ABRAXAS2: variants seen among roughly 807,000 people sequenced by gnomAD.
ABRAXAS2 encodes the protein BRISC complex subunit Abraxas 2.
A neutral mutation model predicts 49.0 loss-of-function variants in ABRAXAS2; 23 were observed. That is an observed-to-expected ratio of 0.47 (90% CI 0.34 to 0.66). ABRAXAS2 has a LOEUF of 0.66. Among genes scored for constraint, ABRAXAS2 ranks in the 30% least tolerant of loss-of-function variants. The pLI, the probability that ABRAXAS2 is intolerant of heterozygous loss-of-function variation, is 0.01. For synonymous variants in ABRAXAS2, 168 were observed against 180.2 expected (o/e 0.93, Z 0.54); for missense variants, 443 against 511.9 (o/e 0.87, Z 1.30).
chr10:124,813,365 A>G (rs1170554004), intron 2 of ABRAXAS2, among the ~76,000 whole-genome samples: 1 of 152,226 alleles, frequency 6.6e-6, no homozygotes, highest in Non-Finnish European at 1.5e-5. Context: ...TCCTTAGTTA[A>G]TGAGGTGATG....
At chr10:124,822,818 A>G (rs531263894) in intron 4 of ABRAXAS2, among the ~76,000 whole-genome samples, 1 of 151,014 alleles carries the variant, frequency 6.6e-6, no homozygotes, top group East Asian at 1.9e-4. Flanking sequence ...AGACTCTATT[A>G]TGTAGTCTTT....
At chr10:124,831,503 A>G (rs1000613064) in intron 8 of ABRAXAS2, 40 bp downstream of exon 8, 3 of 1,140,840 alleles carry the variant, frequency 2.6e-6, no homozygotes, top group Non-Finnish European at 3.9e-6. Context: ...TATCAGGGAA[A>G]TGTTGTTTTA....
chr10:124,818,350 C>T lies in ABRAXAS2; in HGVS notation c.201-1034C>T, dbSNP rs565126807. 2.0e-4 allele frequency among the ~76,000 whole-genome samples: 30 copies of T among 150,004 alleles called. 1 individual carries two copies. Among genetic ancestry groups the T allele is most frequent in the African/African-American group, 6.6e-4 (27 of 40,810 alleles). On this transcript the variant is annotated intron_variant, in intron 3 of 8. Transcript: ENST00000298492. ...GGTGGAGCTTGGAGAGAGCCGAGAT[C>T]GCGCCACTGCACTCCAGCCTGGGTG...
chr10:124,813,222 C>T (rs769001848), intron 2 of ABRAXAS2, among the ~76,000 whole-genome samples: 3 of 152,072 alleles, frequency 2.0e-5, no homozygotes, highest in South Asian at 2.1e-4. Context: ...AAAAGAATAT[C>T]ACATTTTGAA....
intron 8 of ABRAXAS2, among the ~76,000 whole-genome samples, chr10:124,831,792 T>C (rs1950934240): frequency 2.6e-5 from 4 of 151,806 alleles, no homozygotes; most frequent in Admixed American, 1.3e-4. Context: ...TGGTGGTTGT[T>C]ACTAAGTTAA....
intron 5 of ABRAXAS2, 66 bp from the exon 6 acceptor site, chr10:124,828,688 ACT>A: frequency 7.0e-7 from 1 of 1,431,566 alleles, no homozygotes; most frequent in Admixed American, 2.1e-5. Flanking sequence ...TTTTTTTTAG[ACT>A]GTCAGTCTCA....
At chr10:124,816,429 C>T in intron 2 of ABRAXAS2, 147 bp from the exon 3 acceptor site, 5 of 604,524 alleles carry the variant, frequency 8.3e-6, no homozygotes. Context: ...AGTATTCAGA[C>T]TGGTGTACAT....
At chr10:124,824,700 A>G (rs1950886437) in intron 4 of ABRAXAS2, among the ~76,000 whole-genome samples, 1 of 152,200 alleles carries the variant, frequency 6.6e-6, no homozygotes, top group Admixed American at 6.5e-5. Flanking sequence ...AGCACTGTTC[A>G]GGTCTTTGCA....
At chr10:124,808,567 T>C (rs1446471548) in intron 2 of ABRAXAS2, among the ~76,000 whole-genome samples, 1 of 152,110 alleles carries the variant, frequency 6.6e-6, no homozygotes, top group Non-Finnish European at 1.5e-5. Context: ...CTCCTAGAGC[T>C]GCGGGGAGGA....
rs1256186550 is a variant in ABRAXAS2, at chr10:124,835,770, A to G, written c.*799A>G. On this transcript the variant is annotated 3_prime_UTR_variant, in exon 9 of 9. Transcript: ENST00000298492. Reference sequence around the variant, plus strand: ...ACAGCAGTGGAGAACAGAAGGAGTGAGTTTTATAATGAACAGATTCCAGAC... The same window carrying G: ...ACAGCAGTGGAGAACAGAAGGAGTGGGTTTTATAATGAACAGATTCCAGAC... The G allele has an allele frequency of 3.3e-5, 5 of 152,350 alleles. No homozygotes were observed. The highest frequency in any genetic ancestry group is 1.3e-4 in the Admixed American group (2 of 15,304). The allele number at this position is 152,350 out of a possible 1,614,324, so 9.4% of individuals were successfully genotyped here.
Position 124,801,851 on chromosome 10 carries a change from T to C in ABRAXAS2, c.22T>C (p.Tyr8His). 1.2e-6 allele frequency: 2 copies of C among 1,613,506 alleles called. No individual in the cohort carries two copies. Among genetic ancestry groups the C allele is most frequent in the African/African-American group, 1.3e-5 (1 of 75,014 alleles). Residue 8 changes from tyrosine (Y) to histidine (H), a missense_variant, in exon 1 of 9, where the codon TAC (tyrosine) becomes CAC (histidine). Coordinates refer to ENST00000298492, the MANE Select transcript of ABRAXAS2 (RefSeq NM_032182.4). ...CATCATGGCGGCGTCCATTTCGGGC[T>C]ACACCTTCAGTGCTGTGTGTTTCCA... MAASISG[Y>H]TFSAVCFHSA...
At chr10:124,832,568 G>C (rs1454600110) in intron 8 of ABRAXAS2, among the ~76,000 whole-genome samples, 2 of 152,182 alleles carry the variant, frequency 1.3e-5, no homozygotes. Context: ...GATAGGGCTG[G>C]GCGCGGTGGC....
chr10:124,803,196 G>A (rs1418718113), intron 1 of ABRAXAS2, among the ~76,000 whole-genome samples: 1 of 152,070 alleles, frequency 6.6e-6, no homozygotes, highest in Non-Finnish European at 1.5e-5. Context: ...GTAAGAACAA[G>A]CAGCTACCTG....
chr10:124,824,819 A>G (rs1950887132), intron 4 of ABRAXAS2, among the ~76,000 whole-genome samples: 1 of 152,158 alleles, frequency 6.6e-6, no homozygotes, highest in Non-Finnish European at 1.5e-5. Flanking sequence ...GAAATGTGCT[A>G]TGTTCACCTG....
chr10:124,832,278 T>A (rs1045728169), intron 8 of ABRAXAS2, among the ~76,000 whole-genome samples: 1 of 152,142 alleles, frequency 6.6e-6, no homozygotes, highest in Non-Finnish European at 1.5e-5. Context: ...ATAGACACCA[T>A]TAGGCTAAGG....
Position 124,828,864 on chromosome 10 carries a change from T to A in ABRAXAS2, c.567T>A (p.Ile189=). The A allele has an allele frequency of 6.2e-7, 1 of 1,613,648 alleles. No homozygotes were observed. Among genetic ancestry groups the A allele is most frequent in the Non-Finnish European group, 8.5e-7 (1 of 1,179,764 alleles). Residue 189 remains isoleucine (I), a synonymous_variant, in exon 6 of 9, where the codon ATT becomes ATA. Coordinates refer to ENST00000298492, the MANE Select transcript of ABRAXAS2 (RefSeq NM_032182.4). ...PNTSQSYAKV[I]KEHGTDFFDK... is the part of the protein sequence containing the mutation. ...CTTCTCAGAGTTATGCCAAAGTGAT[T>A]AAAGAACATGGGTAAGTTGAAAGGT...
intron 2 of ABRAXAS2, 117 bp downstream of exon 2, chr10:124,807,038 C>T (rs1023255686): frequency 1.4e-4 from 111 of 774,702 alleles, no homozygotes; most frequent in Non-Finnish European, 2.2e-4. Flanking sequence ...GTATGCCAGG[C>T]GCGGTGGCTC....
At chr10:124,829,686 T>G (rs1950918655) in intron 7 of ABRAXAS2, among the ~76,000 whole-genome samples, 1 of 152,222 alleles carries the variant, frequency 6.6e-6, no homozygotes, top group South Asian at 2.1e-4. Flanking sequence ...TGAAGTAGAT[T>G]GTTAATACTA....
intron 2 of ABRAXAS2, among the ~76,000 whole-genome samples, chr10:124,808,641 A>G (rs1177239143): frequency 6.6e-6 from 1 of 152,162 alleles, no homozygotes; most frequent in Non-Finnish European, 1.5e-5. Flanking sequence ...TAACAGAGAA[A>G]ATCCCCGAAC....
Sources: gnomAD v4.1 joint callset for allele counts (sites outside exome capture counted in the v4.1 genomes callset) on GRCh38, gnomAD v4.1.1 for gene constraint, MANE v1.5 for transcripts, NCBI Gene and HGNC (gene_info 2026-07-23, HGNC 2026-07-21) for gene names.